Variants in VXN observed in about 807,000 individuals in gnomAD.
VXN encodes uncharacterized protein C8orf46.
Under a neutral mutation model 23.1 loss-of-function variants are expected in VXN, and 7 were observed. The observed-to-expected ratio is 0.30, with a 90% CI of 0.17 to 0.57. VXN has a LOEUF of 0.57. VXN is among the 20% of genes least tolerant of loss of function. The pLI is 0.91. For missense variants in VXN, 238 were observed against 272.6 expected (o/e 0.87, Z 0.89); for synonymous variants, 120 against 105.8 (o/e 1.13, Z -0.83).
chr8:66,496,903 T>G (rs1273303516), intron 2 of VXN, among the ~76,000 whole-genome samples: 1 of 152,058 alleles, frequency 6.6e-6, no homozygotes, highest in Non-Finnish European at 1.5e-5. Context: ...ATTTTTTTTT[T>G]GAGATGGAGT....
intron 3 of VXN, among the ~76,000 whole-genome samples, chr8:66,507,635 A>G (rs564680190): frequency 2.2e-4 from 33 of 152,324 alleles, no homozygotes; most frequent in Non-Finnish European, 4.1e-4. Flanking sequence ...GACAAGAGCA[A>G]TAAGTTATGA....
intron 3 of VXN, among the ~76,000 whole-genome samples, chr8:66,506,133 G>A (rs937761115): frequency 4.6e-5 from 7 of 152,222 alleles, no homozygotes; most frequent in Non-Finnish European, 1.0e-4. Flanking sequence ...TCTAGAGAGA[G>A]TGTAAATCAG....
intron 3 of VXN, among the ~76,000 whole-genome samples, chr8:66,509,823 C>G (rs982083678): frequency 1.3e-5 from 2 of 151,918 alleles, no homozygotes; most frequent in Non-Finnish European, 2.9e-5. Context: ...ACAGCCTCCC[C>G]CCATCAACAT....
chr8:66,515,332 G>A (rs899078195), intron 5 of VXN, among the ~76,000 whole-genome samples: 4 of 152,182 alleles, frequency 2.6e-5, no homozygotes, highest in Non-Finnish European at 5.9e-5. Flanking sequence ...AGGGGAGCAG[G>A]GGTTAAGGCA....
chr8:66,515,754 G>A lies in VXN; in HGVS notation c.441-139G>A, dbSNP rs533581188. 62 of 708,998 alleles carry A rather than the reference G, an allele frequency of 8.7e-5. No individual in the cohort carries two copies. The African/African-American group carries it at 1.0e-3, about 12-fold the overall frequency. The allele number at this position is 708,998 out of a possible 1,614,324, so 43.9% of individuals were successfully genotyped here. A position where few individuals can be genotyped will look rare whatever the true frequency, so the allele number is the denominator to read the frequency against. On this transcript the variant is annotated intron_variant, in intron 5 of 5. Transcript: ENST00000305454. ...AGACGTTCCTGTGAGGGTCCCAACA[G>A]TGACCTTACAGCTACGTGGATCCCG...
intron 3 of VXN, among the ~76,000 whole-genome samples, chr8:66,507,187 T>C (rs1807769356): frequency 6.6e-6 from 1 of 152,224 alleles, no homozygotes; most frequent in African/African-American, 2.4e-5. Flanking sequence ...ATGTGGTGTT[T>C]CTCAAAGTGG....
chr8:66,513,548 A>G lies in VXN; in HGVS notation c.351A>G (p.Pro117=), dbSNP rs1807849558. ...NRAYGKSLIP[P]VPRISVKTSA... ...CCGCTTCCTCATGACAGATACCGCC[A>G]GTGCCCCGGATCTCAGTGAAAACTT... The change falls in exon 5 of 6, where the codon CCA becomes CCG. Residue 117 remains proline (P), a synonymous_variant. Transcript: ENST00000305454. 1 of 1,614,090 alleles carries G rather than the reference A, an allele frequency of 6.2e-7. No homozygotes were observed.
At chr8:66,504,651 A>G (rs1807729303) in intron 2 of VXN, among the ~76,000 whole-genome samples, 1 of 152,174 alleles carries the variant, frequency 6.6e-6, no homozygotes, top group Non-Finnish European at 1.5e-5. Flanking sequence ...TCCCAGTATA[A>G]CTACTCAGCA....
At chr8:66,505,594 C>A in intron 3 of VXN, 66 bp downstream of exon 3, 1 of 1,423,116 alleles carries the variant, frequency 7.0e-7, no homozygotes. Context: ...AGAGCCACCA[C>A]AAGCCCAGGT....
At chr8:66,498,413 C>T (rs1807650735) in intron 2 of VXN, among the ~76,000 whole-genome samples, 1 of 152,088 alleles carries the variant, frequency 6.6e-6, no homozygotes, top group South Asian at 2.1e-4. Flanking sequence ...TGTACATATA[C>T]TATACATGTA....
rs1035651526 is a variant in VXN at position 66,498,831 on chromosome 8, C to A, written c.126+2339C>A. Reference sequence around the variant, plus strand: ...TTCCATTTAATATTTACAGACTCTACTTGACCAAGGGTAACTGAAACCATA... The same window carrying A: ...TTCCATTTAATATTTACAGACTCTAATTGACCAAGGGTAACTGAAACCATA... On this transcript the variant is annotated intron_variant, in intron 2 of 5. Coordinates refer to ENST00000305454, the MANE Select transcript of VXN (RefSeq NM_152765.4). The A allele has an allele frequency of 1.9e-4, 85 of 456,318 alleles. No individual in the cohort carries two copies. The Admixed American group carries it at 2.0e-3, about 11-fold the overall frequency. The allele number at this position is 456,318 out of a possible 1,614,324, so 28.3% of individuals were successfully genotyped here. A position where few individuals can be genotyped will look rare whatever the true frequency, so the allele number is the denominator to read the frequency against.
chr8:66,494,995 A>G (rs1807610273), intron 1 of VXN: 1 of 152,244 alleles, frequency 6.6e-6, no homozygotes, highest in Non-Finnish European at 1.5e-5. Context: ...GCTGAGTGCC[A>G]AATAAGCAGG....
At chr8:66,509,653 C>T (rs1169793454) in intron 3 of VXN, among the ~76,000 whole-genome samples, 1 of 152,190 alleles carries the variant, frequency 6.6e-6, no homozygotes, top group Non-Finnish European at 1.5e-5. Context: ...GCTGAAGGCA[C>T]ATTCTGAGCA....
intron 1 of VXN, chr8:66,494,993 C>G (rs990860775): frequency 6.6e-6 from 1 of 152,004 alleles, no homozygotes; most frequent in Non-Finnish European, 1.5e-5. Context: ...ATGCTGAGTG[C>G]CAAATAAGCA....
intron 4 of VXN, chr8:66,510,406 C>G (rs932196126): frequency 6.7e-6 from 3 of 449,868 alleles, no homozygotes; most frequent in African/African-American, 6.2e-5. Flanking sequence ...ACAAAAGAAG[C>G]TATTATCCAA....
intron 3 of VXN, among the ~76,000 whole-genome samples, chr8:66,508,815 C>T (rs774243725): frequency 7.9e-5 from 12 of 152,188 alleles, no homozygotes; most frequent in Non-Finnish European, 1.6e-4. Flanking sequence ...GCCTGGGCAA[C>T]ATGGCGAAAC....
intron 1 of VXN, 151 bp downstream of exon 1, chr8:66,493,869 G>A (rs567208920): frequency 7.8e-6 from 5 of 641,452 alleles, no homozygotes; most frequent in Admixed American, 2.6e-5. Flanking sequence ...TTTGGAGGGG[G>A]GAAAGAGGCA....
In VXN at chr8:66,513,578, C is replaced by G. The variant is rs1301308748; in HGVS notation, c.381C>G (p.Ala127=). 1.2e-6 allele frequency: 2 copies of G among 1,614,178 alleles called. No individual in the cohort carries two copies. Among genetic ancestry groups the G allele is most frequent in the Non-Finnish European group, 1.7e-6 (2 of 1,180,012 alleles). ...PVPRISVKTS[A]SASLEATAMG... ...CCCGGATCTCAGTGAAAACTTCAGC[C>G]TCTGCCTCATTGGAGGCGACAGCCA... Residue 127 remains alanine, a synonymous_variant, in exon 5 of 6, where the codon GCC becomes GCG. Transcript: ENST00000305454.
chr8:66,511,666 T>C lies in VXN; in HGVS notation c.342+1509T>C, dbSNP rs138054237. ...GCCTGGCCCCAGCCCTTAAGCTGGC[T>C]TCAGACAGTGCCCTTGGCAGACAGG... On this transcript the variant is annotated intron_variant, in intron 4 of 5. Transcript: ENST00000305454. Among the ~76,000 whole-genome samples, 525 of 152,306 alleles carry C rather than the reference T, an allele frequency of 3.4e-3. 4 individuals are homozygous for C. The highest frequency in any genetic ancestry group is 0.012 in the African/African-American group (498 of 41,564).
Sources: gnomAD v4.1 joint callset for allele counts (sites outside exome capture counted in the v4.1 genomes callset) on GRCh38, gnomAD v4.1.1 for gene constraint, MANE v1.5 for transcripts, NCBI Gene and HGNC (gene_info 2026-07-23, HGNC 2026-07-21) for gene names.